POU6F2: variants seen among roughly 807,000 people sequenced by gnomAD.
POU6F2 encodes POU domain, class 6, transcription factor 2.
Under a neutral mutation model 71.3 loss-of-function variants are expected in POU6F2, and 31 were observed. The ratio of observed to expected loss-of-function variants is 0.43; its 90% CI spans 0.33 to 0.59. POU6F2 has a LOEUF of 0.59. Ranked by LOEUF, POU6F2 falls within the 20% of genes least tolerant of loss-of-function variation. The pLI is 0.04. For missense variants in POU6F2, 783 were observed against 856.8 expected (o/e 0.91, Z 1.07); for synonymous variants, 347 against 355.7 (o/e 0.98, Z 0.27).
At position 39,085,790 on chromosome 7, in the gene POU6F2, A is replaced by T. The variant is rs1791227595; in HGVS notation, c.106-70A>T. On this transcript the variant is annotated intron_variant, in intron 1 of 9. Coordinates refer to ENST00000518318, the MANE Select transcript of POU6F2 (RefSeq NM_001370959.1). ...AGAGAGAGAAGAGAGAGGGAGAGGG[A>T]GAGAGAGGACACGCACTCTAAATCT... 1.6e-5 allele frequency: 24 copies of T among 1,459,544 alleles called. No individual in the cohort carries two copies. The South Asian group carries it at 2.9e-4, about 18-fold the overall frequency. 90.4% of individuals were successfully genotyped at this position (1,459,544 alleles called of 1,614,324 possible).
intron 5 of POU6F2, among the ~76,000 whole-genome samples, chr7:39,348,355 A>T (rs1223698684): frequency 6.6e-6 from 1 of 152,170 alleles, no homozygotes; most frequent in Admixed American, 6.5e-5. Flanking sequence ...TGATCTTTAA[A>T]CCCATTTTTA....
At chr7:39,221,209 A>G (rs1449896980) in intron 4 of POU6F2, among the ~76,000 whole-genome samples, 1 of 152,062 alleles carries the variant, frequency 6.6e-6, no homozygotes, top group East Asian at 1.9e-4. Context: ...AAAAATAAAA[A>G]TAACAGGTAC....
At chr7:39,150,132 C>A (rs1792722020) in intron 2 of POU6F2, among the ~76,000 whole-genome samples, 1 of 152,122 alleles carries the variant, frequency 6.6e-6, no homozygotes. Context: ...ACCTCGTGAT[C>A]CGCCTGCCTC....
At chr7:39,195,491 GA>G (rs903336884) in intron 2 of POU6F2, among the ~76,000 whole-genome samples, 8 of 152,228 alleles carry the variant, frequency 5.3e-5, no homozygotes, top group Non-Finnish European at 1.0e-4. Context: ...TCTTGGAGGA[GA>G]AGAGGGGAAT....
At chr7:39,234,023 A>G (rs1794626510) in intron 4 of POU6F2, among the ~76,000 whole-genome samples, 1 of 152,096 alleles carries the variant, frequency 6.6e-6, no homozygotes, top group African/African-American at 2.4e-5. Context: ...TTTAACATAA[A>G]TTTTATGGAA....
At chr7:39,189,935 C>G (rs1793626085) in intron 2 of POU6F2, among the ~76,000 whole-genome samples, 1 of 151,804 alleles carries the variant, frequency 6.6e-6, no homozygotes, top group Non-Finnish European at 1.5e-5. Context: ...ACTCCCTCAC[C>G]CAGGCTGGAG....
intron 4 of POU6F2, among the ~76,000 whole-genome samples, chr7:39,209,222 C>T (rs762854498): frequency 2.0e-5 from 3 of 152,040 alleles, no homozygotes; most frequent in Non-Finnish European, 4.4e-5. Flanking sequence ...TCATTATTAG[C>T]GTATAGTTTG....
At chr7:39,066,908 A>G (rs1461411307) in intron 1 of POU6F2, among the ~76,000 whole-genome samples, 1 of 147,944 alleles carries the variant, frequency 6.8e-6, no homozygotes, top group Non-Finnish European at 1.5e-5. Flanking sequence ...AATATATAAT[A>G]TCATATTATT....
At chr7:39,285,625 A>G (rs1333350967) in intron 4 of POU6F2, among the ~76,000 whole-genome samples, 3 of 152,238 alleles carry the variant, frequency 2.0e-5, no homozygotes, top group East Asian at 3.8e-4. Context: ...CTCCCCAGGT[A>G]AGGACCAAAA....
intron 4 of POU6F2, among the ~76,000 whole-genome samples, chr7:39,275,469 A>G (rs1287295072): frequency 6.6e-6 from 1 of 152,214 alleles, no homozygotes; most frequent in Non-Finnish European, 1.5e-5. Flanking sequence ...GAAAATGGCC[A>G]TACTGCCCAA....
chr7:39,129,924 G>A (rs981850363), intron 2 of POU6F2, among the ~76,000 whole-genome samples: 11 of 151,902 alleles, frequency 7.2e-5, no homozygotes, highest in South Asian at 2.1e-4. Flanking sequence ...AAAATTAGCC[G>A]GGCGTGGTGG....
chr7:39,468,370 T>G lies in POU6F2; in HGVS notation c.*3684T>G, dbSNP rs899730509. On this transcript the variant is annotated 3_prime_UTR_variant, in exon 10 of 10. Coordinates refer to ENST00000518318, the MANE Select transcript of POU6F2 (RefSeq NM_001370959.1). Reference sequence around the variant, plus strand: ...TGACAAGAAGTTGACATGATAGACTTGTGACCAAGAAGCCAAACTGAATAT... The same window carrying G: ...TGACAAGAAGTTGACATGATAGACTGGTGACCAAGAAGCCAAACTGAATAT... 2.0e-5 allele frequency: 3 copies of G among 152,024 alleles called. No individual in the cohort carries two copies. Among genetic ancestry groups the G allele is most frequent in the Non-Finnish European group, 4.4e-5 (3 of 68,018 alleles). The allele number at this position is 152,024 out of a possible 1,614,324, so 9.4% of individuals were successfully genotyped here. A position where few individuals can be genotyped will look rare whatever the true frequency, so the allele number is the denominator to read the frequency against.
intron 5 of POU6F2, among the ~76,000 whole-genome samples, chr7:39,368,062 C>A (rs1220818314): frequency 1.3e-5 from 2 of 152,136 alleles, no homozygotes; most frequent in Non-Finnish European, 2.9e-5. Context: ...CAATTAATAA[C>A]CCTACAATGA....
At chr7:39,389,374 A>G (rs1787018230) in intron 5 of POU6F2, among the ~76,000 whole-genome samples, 1 of 152,214 alleles carries the variant, frequency 6.6e-6, no homozygotes. Flanking sequence ...ATATTTTATT[A>G]TAATTTATAA....
chr7:39,195,202 G>T (rs1793760838), intron 2 of POU6F2, among the ~76,000 whole-genome samples: 1 of 152,028 alleles, frequency 6.6e-6, no homozygotes, highest in South Asian at 2.1e-4. Context: ...CAAAATCTGG[G>T]CAGGTCCACG....
intron 1 of POU6F2, among the ~76,000 whole-genome samples, chr7:39,037,951 C>T (rs139587876): frequency 1.0e-3 from 159 of 152,132 alleles, no homozygotes; most frequent in African/African-American, 3.8e-3. Flanking sequence ...CCAAAAATCT[C>T]TCCAAATTCA....
chr7:39,188,259 T>C (rs1325893646), intron 2 of POU6F2, among the ~76,000 whole-genome samples: 1 of 152,152 alleles, frequency 6.6e-6, no homozygotes, highest in Non-Finnish European at 1.5e-5. Flanking sequence ...GCAGTGCATG[T>C]GAAGCAAAAA....
At chr7:39,213,632 G>A (rs2128747134) in intron 4 of POU6F2, among the ~76,000 whole-genome samples, 1 of 152,222 alleles carries the variant, frequency 6.6e-6, no homozygotes, top group Non-Finnish European at 1.5e-5. Flanking sequence ...CATATTATAT[G>A]TATTCTTTTG....
chr7:39,139,197 C>T (rs1395688601), intron 2 of POU6F2, among the ~76,000 whole-genome samples: 2 of 152,182 alleles, frequency 1.3e-5, no homozygotes, highest in African/African-American at 4.8e-5. Flanking sequence ...GAAAGGTATG[C>T]TCACTGATAG....
Sources: allele counts gnomAD v4.1 joint callset (sites outside exome capture counted in the v4.1 genomes callset), GRCh38; gene constraint gnomAD v4.1.1; transcripts MANE v1.5; gene names NCBI Gene and HGNC (gene_info 2026-07-23, HGNC 2026-07-21).